Variants in MKLN1 observed in about 807,000 individuals in gnomAD.
The protein encoded by MKLN1 is muskelin.
MKLN1 carries 18 observed loss-of-function variants against 99.0 expected under a neutral mutation model. That is an observed-to-expected ratio of 0.18 (90% CI 0.13 to 0.27). MKLN1 has a LOEUF of 0.27. Ranked by LOEUF, MKLN1 falls within the 10% of genes least tolerant of loss-of-function variation. MKLN1 has a pLI of 1.00. For synonymous variants in MKLN1, 288 were observed against 293.2 expected (o/e 0.98, Z 0.18); for missense variants, 621 against 875.9 (o/e 0.71, Z 3.67).
At chr7:131,260,072 G>T (rs967308334) in intron 3 of MKLN1, among the ~76,000 whole-genome samples, 1 of 151,302 alleles carries the variant, frequency 6.6e-6, no homozygotes, top group Admixed American at 6.6e-5. Flanking sequence ...AAGAGACGGG[G>T]TCTTACTGTG....
chr7:131,141,590 C>T (rs1019070933), intron 1 of MKLN1, among the ~76,000 whole-genome samples: 10 of 152,192 alleles, frequency 6.6e-5, no homozygotes, highest in African/African-American at 2.2e-4. Flanking sequence ...TACTCACATA[C>T]TCAGCATGCA....
intron 8 of MKLN1, among the ~76,000 whole-genome samples, chr7:131,419,913 T>C (rs1358842765): frequency 6.6e-6 from 1 of 152,214 alleles, no homozygotes; most frequent in Admixed American, 6.5e-5. Context: ...TAAGAAATGC[T>C]ATGAACTGAC....
intron 10 of MKLN1, among the ~76,000 whole-genome samples, chr7:131,441,727 C>T (rs1795847200): frequency 6.6e-6 from 1 of 152,092 alleles, no homozygotes; most frequent in South Asian, 2.1e-4. Flanking sequence ...GAATAAACCA[C>T]ATCAAAATTA....
chr7:131,307,665 C>T (rs1348889549), intron 3 of MKLN1, among the ~76,000 whole-genome samples: 1 of 152,148 alleles, frequency 6.6e-6, no homozygotes, highest in Admixed American at 6.5e-5. Context: ...GGGCCTGTAA[C>T]CCCTCTGTTT....
intron 1 of MKLN1, among the ~76,000 whole-genome samples, chr7:131,334,115 C>T (rs1339872754): frequency 6.6e-6 from 1 of 152,078 alleles, no homozygotes; most frequent in Non-Finnish European, 1.5e-5. Flanking sequence ...TTTTATTAAT[C>T]ACATATAGTT....
At chr7:131,435,879 ATTGAT>A (rs1263554836) in intron 9 of MKLN1, among the ~76,000 whole-genome samples, 1 of 151,648 alleles carries the variant, frequency 6.6e-6, no homozygotes, top group Non-Finnish European at 1.5e-5. Flanking sequence ...TTTCTATTCT[ATTGAT>A]TTATCTTTAT....
At chr7:131,312,090 T>C (rs1798577257) in intron 3 of MKLN1, among the ~76,000 whole-genome samples, 1 of 152,088 alleles carries the variant, frequency 6.6e-6, no homozygotes, top group Non-Finnish European at 1.5e-5. Context: ...TGACCTGATC[T>C]CAGCTCACTG....
Position 131,320,396 on chromosome 7 carries a change from A to G in MKLN1, c.-178-55028A>G, listed in dbSNP as rs867612047. ...GCCATATGCAGAAAACAGAAACTGG[A>G]CCCCCTCCTTACACCTTATACAAAA... is the stretch of plus-strand genomic sequence containing the variant. On this transcript the variant is annotated intron_variant, in intron 3 of 7. Coordinates refer to the MKLN1 transcript ENST00000416992. 4.7e-4 allele frequency among the ~76,000 whole-genome samples: 71 copies of G among 152,230 alleles called. 2 individuals carry two copies. Among genetic ancestry groups the G allele is most frequent in the African/African-American group, 1.6e-3 (68 of 41,534 alleles).
At chr7:131,174,390 T>G (rs1796263041) in intron 2 of MKLN1, among the ~76,000 whole-genome samples, 1 of 152,240 alleles carries the variant, frequency 6.6e-6, no homozygotes, top group South Asian at 2.1e-4. Context: ...TGAACTTTCT[T>G]GCCTGGTGAT....
chr7:131,362,745 A>G (rs1481597067), intron 1 of MKLN1, among the ~76,000 whole-genome samples: 1 of 151,790 alleles, frequency 6.6e-6, no homozygotes, highest in Non-Finnish European at 1.5e-5. Flanking sequence ...AGGAACTTTT[A>G]AAATTTAGTC....
chr7:131,203,935 G>A lies in MKLN1; in HGVS notation c.-179+961G>A, dbSNP rs143323553. 2.4e-3 allele frequency among the ~76,000 whole-genome samples: 373 copies of A among 152,256 alleles called. 1 individual carries two copies. Among genetic ancestry groups the A allele is most frequent in the Non-Finnish European group, 3.7e-3 (251 of 68,028 alleles). On this transcript the variant is annotated intron_variant, in intron 3 of 7. Transcript: ENST00000416992. Reference sequence around the variant, plus strand: ...TGACTCCATGTCCTGGGCCCTGGGCGAAGAACACTGAAAAACTATCTTGAT... The same window carrying A: ...TGACTCCATGTCCTGGGCCCTGGGCAAAGAACACTGAAAAACTATCTTGAT...
At position 131,390,278 on chromosome 7, in the gene MKLN1, T is replaced by C. The variant is rs561001531; in HGVS notation, c.400+1306T>C. The stretch of plus-strand genomic sequence containing the variant: ...TTAAAACCTATATTCTGTTTTCTTA[T>C]AAGAATTTATGAGCAAGCAAATTTT... On this transcript the variant is annotated intron_variant, in intron 4 of 17. Transcript: ENST00000352689. Among the ~76,000 whole-genome samples the C allele has an allele frequency of 2.1e-3, 320 of 152,352 alleles. 2 individuals carry two copies. Among genetic ancestry groups the C allele is most frequent in the Middle Eastern group, 0.017 (5 of 294 alleles).
intron 8 of MKLN1, among the ~76,000 whole-genome samples, chr7:131,422,232 G>T (rs1795227009): frequency 1.3e-5 from 2 of 152,142 alleles, no homozygotes; most frequent in Non-Finnish European, 2.9e-5. Flanking sequence ...GATAATCAAA[G>T]AGACTCTTAC....
chr7:131,420,741 T>G (rs953793781), intron 8 of MKLN1, among the ~76,000 whole-genome samples: 1 of 152,196 alleles, frequency 6.6e-6, no homozygotes, highest in African/African-American at 2.4e-5. Context: ...TCTCTCCAGC[T>G]TCCCAGCCCC....
At position 131,312,429 on chromosome 7, in the gene MKLN1, T is replaced by A. The variant is rs373062506; in HGVS notation, c.-178-62995T>A. Among the ~76,000 whole-genome samples the A allele has an allele frequency of 4.6e-5, 7 of 152,334 alleles. No homozygotes were observed. In the East Asian group the frequency reaches 7.7e-4, roughly 17 times the overall value. On this transcript the variant is annotated intron_variant, in intron 3 of 7. Transcript: ENST00000416992. ...GTTATTCTGAAACAGGGGTCCCACA[T>A]CAGTGTGCTTTAAATATCAATGCAT...
At chr7:131,257,785 T>C (rs1797678104) in intron 3 of MKLN1, among the ~76,000 whole-genome samples, 1 of 151,880 alleles carries the variant, frequency 6.6e-6, no homozygotes, top group Non-Finnish European at 1.5e-5. Context: ...TTCTCCCATG[T>C]GGGGAAAAAG....
intron 1 of MKLN1, among the ~76,000 whole-genome samples, chr7:131,141,314 C>T (rs1795729379): frequency 6.6e-6 from 1 of 152,154 alleles, no homozygotes; most frequent in Non-Finnish European, 1.5e-5. Flanking sequence ...AACTCAGCAC[C>T]TTCTCTCCAA....
At chr7:131,432,090 C>T (rs1563345147) in intron 9 of MKLN1, among the ~76,000 whole-genome samples, 1 of 152,168 alleles carries the variant, frequency 6.6e-6, no homozygotes, top group Non-Finnish European at 1.5e-5. Flanking sequence ...GGTTTATATT[C>T]ATGTTTCCCT....
chr7:131,327,753 G>C, upstream of MKLN1: 3 of 1,381,876 alleles, frequency 2.2e-6, no homozygotes, highest in Non-Finnish European at 1.9e-6. Flanking sequence ...ATAGGACATT[G>C]GCCCGGCGCT....
Sources: allele counts gnomAD v4.1 joint callset (sites outside exome capture counted in the v4.1 genomes callset), GRCh38; gene constraint gnomAD v4.1.1; transcripts MANE v1.5; gene names NCBI Gene and HGNC (gene_info 2026-07-23, HGNC 2026-07-21).